Variants in POLR1C observed in about 807,000 individuals in gnomAD.
The protein encoded by POLR1C is RNA polymerase I and III subunit C, also known as DNA-directed RNA polymerases I and III subunit RPAC1.
POLR1C carries 42 observed loss-of-function variants against 38.3 expected under a neutral mutation model. The observed-to-expected ratio is 1.10, with a 90% confidence interval of 0.86 to 1.42. The LOEUF (loss-of-function observed/expected upper bound fraction) is 1.42, where lower values mean the gene tolerates loss of function less well. Ranked by LOEUF, POLR1C falls within the 40% of genes most tolerant of loss-of-function variation. The probability of loss-of-function intolerance (pLI) is 0.00; values close to 1 mark genes in which losing one functional copy is unlikely to be tolerated. For synonymous variants in POLR1C, 163 were observed against 163.9 expected (o/e 0.99, Z 0.04); for missense variants, 507 against 450.5 (o/e 1.13, Z -1.14).
At chr6:43,535,283 C>T (rs2127712846) in intron 9 of POLR1C, among the ~76,000 whole-genome samples, 1 of 151,742 alleles carries the variant, frequency 6.6e-6, no homozygotes, top group South Asian at 2.1e-4. Context: ...AACAACAAAA[C>T]CCCAAAAAAC....
At chr6:43,560,448 T>C in intron 10 of POLR1C, 1 of 1,025,464 alleles carries the variant, frequency 9.8e-7, no homozygotes, top group South Asian at 1.9e-5. Context: ...TTATCAGTAA[T>C]GACCACCCAC....
At position 43,562,401 on chromosome 6, in the gene POLR1C, A is replaced by G. The variant is rs1395141340; in HGVS notation, c.*1050A>G. The G allele has an allele frequency of 7.0e-6, 9 of 1,284,304 alleles. No individual in the cohort carries two copies. The African/African-American group carries it at 1.3e-4, about 19-fold the overall frequency. 79.6% of individuals were successfully genotyped at this position (1,284,304 alleles called of 1,614,324 possible). On this transcript the variant is annotated 3_prime_UTR_variant, in exon 11 of 11. Transcript: ENST00000607635. ...ACAAAATTAAAAAGGCTGTAATAAA[A>G]ACATCACTTTGTGTCTCATTTCTCC...
chr6:43,542,856 T>A (rs1794773165), intron 9 of POLR1C, among the ~76,000 whole-genome samples: 1 of 152,244 alleles, frequency 6.6e-6, no homozygotes, highest in African/African-American at 2.4e-5. Flanking sequence ...CTAGGAATTC[T>A]ACTCCTATGT....
chr6:43,520,287 A>T lies in POLR1C; in HGVS notation c.515A>T (p.His172Leu). Residue 172 changes from histidine to leucine, a missense_variant, in exon 6 of 9, where the codon CAT (histidine) becomes CTT (leucine). His to Leu is a moderately conservative substitution (Grantham distance 99). Coordinates refer to ENST00000642195, the MANE Select transcript of POLR1C (RefSeq NM_203290.4). ...LYVNHKVYTR[H>L]MTWIPLGNQA... is the part of the protein sequence containing the mutation. Reference sequence around the variant, plus strand: ...GTTTTTCCTCCAGTGTATACCAGGCATATGACATGGATCCCCCTGGGGAAC... The same window carrying T: ...GTTTTTCCTCCAGTGTATACCAGGCTTATGACATGGATCCCCCTGGGGAAC... 3.1e-6 allele frequency: 5 copies of T among 1,613,082 alleles called. No homozygotes were observed. Among genetic ancestry groups the T allele is most frequent in the Non-Finnish European group, 3.4e-6 (4 of 1,180,030 alleles).
At chr6:43,542,262 T>C (rs1468977432) in intron 9 of POLR1C, among the ~76,000 whole-genome samples, 1 of 152,170 alleles carries the variant, frequency 6.6e-6, no homozygotes, top group African/African-American at 2.4e-5. Flanking sequence ...AAGTGCTCAA[T>C]AGTTTCATGT....
chr6:43,555,870 T>G, intron 10 of POLR1C: 1 of 1,613,980 alleles, frequency 6.2e-7, no homozygotes, highest in South Asian at 1.1e-5. Context: ...AAGTTGATAG[T>G]TGATACTTTA....
chr6:43,534,417 T>C (rs1240998463), downstream of POLR1C, among the ~76,000 whole-genome samples: 2 of 152,192 alleles, frequency 1.3e-5, no homozygotes, highest in African/African-American at 4.8e-5. Flanking sequence ...TTCAATGTTT[T>C]GTCTTAATTC....
intron 8 of POLR1C, chr6:43,526,524 G>T (rs1356935467): frequency 1.4e-6 from 1 of 718,204 alleles, no homozygotes; most frequent in Non-Finnish European, 2.4e-6. Flanking sequence ...CTTGGAGGTG[G>T]GAGTATGATG....
chr6:43,546,781 T>G, intron 9 of POLR1C: 1 of 1,457,580 alleles, frequency 6.9e-7, no homozygotes, highest in Non-Finnish European at 9.1e-7. Context: ...GACAGATAAA[T>G]ATTAAAAGGA....
downstream of POLR1C, chr6:43,523,632 A>G: frequency 1.3e-6 from 1 of 762,988 alleles, no homozygotes; most frequent in South Asian, 1.4e-5. Flanking sequence ...TAGAATGGGA[A>G]CTATCTGGGA....
chr6:43,549,986 A>T, intron 9 of POLR1C: 1 of 1,578,930 alleles, frequency 6.3e-7, no homozygotes, highest in East Asian at 2.3e-5. Context: ...TTTAGAGATG[A>T]GATCTTGCTA....
chr6:43,548,220 G>A (rs746287395), intron 9 of POLR1C: 37 of 1,519,578 alleles, frequency 2.4e-5, no homozygotes, highest in Non-Finnish European at 3.1e-5. Context: ...CAAAATGGGT[G>A]CTTGAGTATA....
rs376488921 is a variant in POLR1C at position 43,521,176 on chromosome 6, C to T, written c.923-6C>T. 6 of 1,613,848 alleles carry T rather than the reference C, an allele frequency of 3.7e-6. No homozygotes were observed. Among genetic ancestry groups the T allele is most frequent in the Non-Finnish European group, 5.1e-6 (6 of 1,179,894 alleles). On this transcript the variant is annotated splice_polypyrimidine_tract_variant and splice_region_variant and intron_variant, in intron 8 of 8. Coordinates refer to ENST00000642195, the MANE Select transcript of POLR1C (RefSeq NM_203290.4). Reference sequence around the variant, plus strand: ...GCCTAGACTAAAGTGTCTCTTTGGTCCCCAGTCTCTGTTGAGTCAACGGGG... The same window carrying T: ...GCCTAGACTAAAGTGTCTCTTTGGTTCCCAGTCTCTGTTGAGTCAACGGGG...
intron 9 of POLR1C, among the ~76,000 whole-genome samples, chr6:43,550,742 C>T (rs552335188): frequency 1.3e-5 from 2 of 152,338 alleles, no homozygotes; most frequent in East Asian, 3.9e-4. Context: ...CCAAAATACT[C>T]ATGCTTTCTC....
chr6:43,549,986 A>G (rs1795151580), intron 9 of POLR1C: 2 of 1,578,930 alleles, frequency 1.3e-6, no homozygotes, highest in Non-Finnish European at 8.7e-7. Flanking sequence ...TTTAGAGATG[A>G]GATCTTGCTA....
downstream of POLR1C, chr6:43,524,047 G>A: frequency 1.3e-6 from 2 of 1,598,276 alleles, no homozygotes; most frequent in East Asian, 2.2e-5. Context: ...TGGGCCCTCA[G>A]TAGTAGTTAA....
intron 9 of POLR1C, among the ~76,000 whole-genome samples, chr6:43,537,964 A>G (rs1794444751): frequency 6.7e-6 from 1 of 150,192 alleles, no homozygotes; most frequent in South Asian, 2.2e-4. Context: ...GCTACTCGAG[A>G]GGCTGAGGCA....
intron 8 of POLR1C, chr6:43,528,343 C>T (rs1235980117): frequency 8.9e-6 from 7 of 790,144 alleles, no homozygotes; most frequent in Non-Finnish European, 1.4e-5. Flanking sequence ...GTAGACTCCA[C>T]ACCACAAGGT....
intron 9 of POLR1C, chr6:43,539,798 C>G: frequency 1.8e-6 from 1 of 556,766 alleles, no homozygotes; most frequent in Admixed American, 3.5e-5. Flanking sequence ...TCTGGGAGAA[C>G]TCCCATGTAA....
Sources: allele counts gnomAD v4.1 joint callset (sites outside exome capture counted in the v4.1 genomes callset), GRCh38; gene constraint gnomAD v4.1.1; transcripts MANE v1.5; gene names NCBI Gene and HGNC (gene_info 2026-07-23, HGNC 2026-07-21).